Variants in GPR132 observed in about 807,000 individuals in gnomAD.
GPR132 encodes the protein G protein-coupled receptor 132.
Under a neutral mutation model 1.9 loss-of-function variants are expected in GPR132, and 4 were observed. The observed-to-expected ratio is 2.13, with a 90% CI of 1.05 to 4.87. GPR132 has a LOEUF of 4.87. Ranked by LOEUF, GPR132 falls within the 30% of genes most tolerant of loss-of-function variation. GPR132 has a pLI of 0.01. For missense variants in GPR132, 404 were observed against 512.5 expected (o/e 0.79, Z 2.04); for synonymous variants, 233 against 234.2 (o/e 0.99, Z 0.05).
intron 3 of GPR132, among the ~76,000 whole-genome samples, chr14:105,054,585 C>T (rs1886738292): frequency 6.6e-6 from 1 of 151,494 alleles, no homozygotes; most frequent in African/African-American, 2.4e-5. Flanking sequence ...CACTCGCCAC[C>T]ACGCCCATCT....
chr14:105,051,012 C>G lies in GPR132; in HGVS notation c.1125G>C (p.Leu375=), dbSNP rs756477871. 12 of 1,612,602 alleles carry G rather than the reference C, an allele frequency of 7.4e-6. No homozygotes were observed. The highest frequency in any genetic ancestry group is 1.3e-5 in the African/African-American group (1 of 74,920). Residue 375 remains leucine, a synonymous_variant, in exon 4 of 4, where the codon CTG becomes CTC. Transcript: ENST00000329797. This position sits in a 1 kb window ranked among gnomAD's most constrained non-coding sequence, Gnocchi z 8.0. ...PPGSPCPAKR[L]IEESC is the part of the protein sequence containing the mutation. ...AGTGGGCTCAGCAGGACTCCTCAATCAGCCTCTTTGCAGGGCATGGTGACC... is the reference window on the plus strand; with the variant it reads ...AGTGGGCTCAGCAGGACTCCTCAATGAGCCTCTTTGCAGGGCATGGTGACC...
In GPR132 at chr14:105,055,023, CAAAA is replaced by C. The variant is rs35863392; in HGVS notation, c.34+360_34+363del. 5.5e-5 allele frequency among the ~76,000 whole-genome samples: 5 copies of C among 91,300 alleles called. No homozygotes were observed. Among genetic ancestry groups the C allele is most frequent in the Admixed American group, 1.1e-4 (1 of 9,376 alleles). The allele number at this position is 91,300 out of a possible 152,430, so 59.9% of individuals were successfully genotyped here. A position where few individuals can be genotyped will look rare whatever the true frequency, so the allele number is the denominator to read the frequency against. The stretch of plus-strand genomic sequence containing the variant: ...AGGGCAACAGAGCAAGACTCCATCT[CAAAA>C]AAAAAAAAAAAAAAAAAATTCGGCC... On this transcript the variant is annotated intron_variant, in intron 3 of 3. Coordinates refer to ENST00000329797, the MANE Select transcript of GPR132 (RefSeq NM_013345.4). This position sits in a 1 kb window ranked among gnomAD's most constrained non-coding sequence, Gnocchi z 4.7.
intron 1 of GPR132, among the ~76,000 whole-genome samples, chr14:105,061,042 C>T (rs983670838): frequency 6.6e-6 from 1 of 152,276 alleles, no homozygotes; most frequent in Admixed American, 6.5e-5. Flanking sequence ...GTCCAGATCC[C>T]GCCACGTGCC....
Position 105,059,463 on chromosome 14 carries a change from C to A in GPR132, c.-860-2183G>T, listed in dbSNP as rs773035115. Among the ~76,000 whole-genome samples, 5 of 152,152 alleles carry A rather than the reference C, an allele frequency of 3.3e-5. No individual in the cohort carries two copies. Among genetic ancestry groups the A allele is most frequent in the Non-Finnish European group, 7.4e-5 (5 of 68,022 alleles). Reference sequence around the variant, plus strand: ...AACTGCTCAGCGCCGATCTGCCTGGCGTTCTATTCAGTCATCCCTCTGCTC... The same window carrying A: ...AACTGCTCAGCGCCGATCTGCCTGGAGTTCTATTCAGTCATCCCTCTGCTC... On this transcript the variant is annotated intron_variant, in intron 1 of 3. Transcript: ENST00000329797. The surrounding 1 kb of genome is among the most constrained non-coding windows in gnomAD (Gnocchi z 4.2).
chr14:105,065,269 C>A (rs1384857194), intron 1 of GPR132, 110 bp downstream of exon 1: 1 of 152,408 alleles, frequency 6.6e-6, no homozygotes, highest in East Asian at 1.9e-4. Context: ...CAACAAATCA[C>A]CTTTGCCTTC....
In GPR132 at chr14:105,055,428, C is replaced by T; in HGVS notation, c.-8G>A. 1.3e-6 allele frequency: 1 copy of T among 780,748 alleles called. No homozygotes were observed. The highest frequency in any genetic ancestry group is 2.4e-6 in the Non-Finnish European group (1 of 417,814). The allele number at this position is 780,748 out of a possible 1,614,324, so 48.4% of individuals were successfully genotyped here. On this transcript the variant is annotated 5_prime_UTR_variant, in exon 3 of 4. Coordinates refer to ENST00000329797, the MANE Select transcript of GPR132 (RefSeq NM_013345.4). This position sits in a 1 kb window ranked among gnomAD's most constrained non-coding sequence, Gnocchi z 4.7. Reference sequence around the variant, plus strand: ...CAGTAGCATTGGGCACATTCACATTCTTCTGCAACCATCGCCAGCATCCGT... The same window carrying T: ...CAGTAGCATTGGGCACATTCACATTTTTCTGCAACCATCGCCAGCATCCGT...
intron 3 of GPR132, chr14:105,054,080 C>T (rs1368959401): frequency 1.6e-6 from 2 of 1,288,528 alleles, no homozygotes; most frequent in East Asian, 1.1e-4. Context: ...TGGCTGAGTT[C>T]ATGCTTCTGG....
At chr14:105,052,202 A>T in intron 3 of GPR132, 100 bp from the exon 4 acceptor site, 1 of 935,500 alleles carries the variant, frequency 1.1e-6, no homozygotes. Flanking sequence ...GGTAGCTCAG[A>T]CTAGACACAC....
chr14:105,056,567 G>C lies in GPR132; in HGVS notation c.-746-401C>G, dbSNP rs1405076274. 1.3e-5 allele frequency among the ~76,000 whole-genome samples: 2 copies of C among 152,160 alleles called. No homozygotes were observed. Among genetic ancestry groups the C allele is most frequent in the Non-Finnish European group, 2.9e-5 (2 of 68,004 alleles). On this transcript the variant is annotated intron_variant, in intron 2 of 3. Coordinates refer to ENST00000329797, the MANE Select transcript of GPR132 (RefSeq NM_013345.4). This position sits in a 1 kb window ranked among gnomAD's most constrained non-coding sequence, Gnocchi z 6.0. The stretch of plus-strand genomic sequence containing the variant: ...TCTGTTCCCTCCCCGACTTCCTACG[G>C]CTCCCCCACCCCACACATCGTCGCC...
chr14:105,053,892 G>A lies in GPR132; in HGVS notation c.34+1495C>T, dbSNP rs1886716142. 5 of 1,114,528 alleles carry A rather than the reference G, an allele frequency of 4.5e-6. No homozygotes were observed. In the South Asian group the frequency reaches 7.2e-5, roughly 16 times the overall value. 69.0% of individuals were successfully genotyped at this position (1,114,528 alleles called of 1,614,324 possible). Reference sequence around the variant, plus strand: ...CACAAAAGTCCTTAAATGTGGGAGAGGGCAAAAGAAAAGGAGATCAAAGTG... The same window carrying A: ...CACAAAAGTCCTTAAATGTGGGAGAAGGCAAAAGAAAAGGAGATCAAAGTG... On this transcript the variant is annotated intron_variant, in intron 3 of 3. Coordinates refer to ENST00000329797, the MANE Select transcript of GPR132 (RefSeq NM_013345.4).
At chr14:105,054,367 G>A (rs956824462) in intron 3 of GPR132, 11 of 985,194 alleles carry the variant, frequency 1.1e-5, no homozygotes, top group Non-Finnish European at 1.3e-5. Context: ...CCAGCACGAT[G>A]GGGCAAGTCA....
In GPR132 at chr14:105,055,412, T is replaced by C. The variant is rs200756692; in HGVS notation, c.9A>G (p.Pro3=). 4 of 780,880 alleles carry C rather than the reference T, an allele frequency of 5.1e-6. No homozygotes were observed. Among genetic ancestry groups the C allele is most frequent in the Non-Finnish European group, 9.6e-6 (4 of 418,070 alleles). The allele number at this position is 780,880 out of a possible 1,614,324, so 48.4% of individuals were successfully genotyped here. Residue 3 remains proline, a synonymous_variant, in exon 3 of 4, where the codon CCA becomes CCG. Coordinates refer to ENST00000329797, the MANE Select transcript of GPR132 (RefSeq NM_013345.4). This position sits in a 1 kb window ranked among gnomAD's most constrained non-coding sequence, Gnocchi z 4.7. MC[P]MLLKNGYNGN... is the part of the protein sequence containing the mutation. ...CATTGTAACCGTTTTTCAGTAGCATTGGGCACATTCACATTCTTCTGCAAC... is the reference window on the plus strand; with the variant it reads ...CATTGTAACCGTTTTTCAGTAGCATCGGGCACATTCACATTCTTCTGCAAC...
In GPR132 at chr14:105,059,419, T is replaced by C. The variant is rs1012206925; in HGVS notation, c.-860-2139A>G. ...ATATTTCTGTGAAAGGAAAGTATCT[T>C]GGGCCCCTTCAAGCTGGGAACTGCT... On this transcript the variant is annotated intron_variant, in intron 1 of 3. Coordinates refer to ENST00000329797, the MANE Select transcript of GPR132 (RefSeq NM_013345.4). The surrounding 1 kb of genome is among the most constrained non-coding windows in gnomAD (Gnocchi z 4.2). Among the ~76,000 whole-genome samples the C allele has an allele frequency of 1.1e-4, 16 of 152,164 alleles. No individual in the cohort carries two copies. The highest frequency in any genetic ancestry group is 7.4e-5 in the Non-Finnish European group (5 of 68,018).
At position 105,059,564 on chromosome 14, in the gene GPR132, T is replaced by C. The variant is rs1886887269; in HGVS notation, c.-860-2284A>G. 6.6e-6 allele frequency among the ~76,000 whole-genome samples: 1 copy of C among 151,860 alleles called. No homozygotes were observed. The highest frequency in any genetic ancestry group is 6.6e-5 in the Admixed American group (1 of 15,248). On this transcript the variant is annotated intron_variant, in intron 1 of 3. Transcript: ENST00000329797. The surrounding 1 kb of genome is among the most constrained non-coding windows in gnomAD (Gnocchi z 4.2). ...ACTGAAAACAATGCAACCATTTGTC[T>C]CTCGCCTACCTGTGTAGGCGAGAGA...
In GPR132 at chr14:105,055,190, C is replaced by T. The variant is rs983806640; in HGVS notation, c.34+197G>A. On this transcript the variant is annotated intron_variant, in intron 3 of 3. Coordinates refer to ENST00000329797, the MANE Select transcript of GPR132 (RefSeq NM_013345.4). The surrounding 1 kb of genome is among the most constrained non-coding windows in gnomAD (Gnocchi z 4.7). ...ATTAAAAATACAAATATTAGCCAGG[C>T]GTGGTGGGCACCTGTAATCCCAGCT... is the stretch of plus-strand genomic sequence containing the variant. Among the ~76,000 whole-genome samples the T allele has an allele frequency of 9.2e-5, 14 of 151,738 alleles. No homozygotes were observed. The highest frequency in any genetic ancestry group is 2.4e-4 in the African/African-American group (10 of 41,364).
At chr14:105,064,865 G>A (rs562484288) in intron 1 of GPR132, among the ~76,000 whole-genome samples, 2 of 152,140 alleles carry the variant, frequency 1.3e-5, no homozygotes, top group Admixed American at 1.3e-4. Flanking sequence ...CCAGCTCCAG[G>A]ATCTTGTCAC....
intron 3 of GPR132, chr14:105,054,431 T>TC: frequency 4.1e-6 from 4 of 980,402 alleles, no homozygotes; most frequent in Non-Finnish European, 3.6e-6. Flanking sequence ...TTTTTTCTTT[T>TC]TTTTTTTTTT....
rs967525262 is a variant in GPR132 at position 105,056,956 on chromosome 14, G to A, written c.-747+211C>T. ...AGCCACCAACTATGCCCTCATTCCC[G>A]TTCCTGGCTTCCCAGAACTTCACGA... On this transcript the variant is annotated intron_variant, in intron 2 of 3. Coordinates refer to ENST00000329797, the MANE Select transcript of GPR132 (RefSeq NM_013345.4). The surrounding 1 kb of genome is among the most constrained non-coding windows in gnomAD (Gnocchi z 6.0). Among the ~76,000 whole-genome samples, 1 of 152,194 alleles carries A rather than the reference G, an allele frequency of 6.6e-6. No individual in the cohort carries two copies. Among genetic ancestry groups the A allele is most frequent in the Non-Finnish European group, 1.5e-5 (1 of 68,038 alleles).
At chr14:105,064,578 C>T (rs924864320) in intron 1 of GPR132, among the ~76,000 whole-genome samples, 4 of 152,172 alleles carry the variant, frequency 2.6e-5, no homozygotes, top group Non-Finnish European at 5.9e-5. Context: ...AAGTGATCCG[C>T]CCACCTCGGC....
Sources: gnomAD v4.1 joint callset for allele counts (sites outside exome capture counted in the v4.1 genomes callset) on GRCh38, gnomAD v4.1.1 for gene constraint, Gnocchi (gnomAD v3.1) non-coding constraint, MANE v1.5 for transcripts, NCBI Gene and HGNC (gene_info 2026-07-23, HGNC 2026-07-21) for gene names.